The following PDE1C variants were observed in gnomAD, a reference collection of about 807,000 sequenced individuals.
PDE1C encodes the protein dual specificity calcium/calmodulin-dependent 3',5'-cyclic nucleotide phosphodiesterase 1C.
In PDE1C, 62 loss-of-function variants were observed where a neutral mutation model predicts 93.1. That is an observed-to-expected ratio of 0.67 (90% confidence interval 0.54 to 0.82). The LOEUF (loss-of-function observed/expected upper bound fraction) is 0.82. Among genes scored for constraint, PDE1C ranks in the 40% least tolerant of loss-of-function variants. The pLI, the probability that PDE1C is intolerant of heterozygous loss-of-function variation, is 0.00. For synonymous variants in PDE1C, 325 were observed against 310.1 expected (o/e 1.05, Z -0.50); for missense variants, 742 against 884.6 (o/e 0.84, Z 2.04).
At chr7:31,926,050 A>G (rs1803333118) in intron 2 of PDE1C, among the ~76,000 whole-genome samples, 1 of 152,070 alleles carries the variant, frequency 6.6e-6, no homozygotes, top group African/African-American at 2.4e-5. Flanking sequence ...GTGATCATAC[A>G]TTACAGTTTG....
At position 32,198,402 on chromosome 7, in the gene PDE1C, C is replaced by T. The variant is rs114311233; in HGVS notation, c.136+11087G>A. Among the ~76,000 whole-genome samples the T allele has an allele frequency of 4.0e-3, 611 of 152,130 alleles. 3 individuals carry two copies. The highest frequency in any genetic ancestry group is 0.014 in the African/African-American group (568 of 41,492). On this transcript the variant is annotated intron_variant, in intron 2 of 18. Coordinates refer to the PDE1C transcript ENST00000396193. ...TCTGAATAACAGAAACTCAAAATTCCGGTAGATTAAATGAAATAAAAGCTT... is the reference window on the plus strand; with the variant it reads ...TCTGAATAACAGAAACTCAAAATTCTGGTAGATTAAATGAAATAAAAGCTT...
At chr7:32,327,546 A>G (rs1341169085) in intron 1 of PDE1C, among the ~76,000 whole-genome samples, 5 of 152,176 alleles carry the variant, frequency 3.3e-5, no homozygotes, top group Admixed American at 1.3e-4. Context: ...AAGTGGGTGG[A>G]TCACGAGATC....
intron 2 of PDE1C, among the ~76,000 whole-genome samples, chr7:31,972,960 T>G (rs1037844643): frequency 6.6e-6 from 1 of 152,146 alleles, no homozygotes; most frequent in African/African-American, 2.4e-5. Flanking sequence ...AAGCAGGAAC[T>G]GAGTGACAAC....
chr7:32,001,546 G>C (rs1258210522), intron 2 of PDE1C, among the ~76,000 whole-genome samples: 2 of 152,056 alleles, frequency 1.3e-5, no homozygotes, highest in East Asian at 1.9e-4. Flanking sequence ...GTACACACCA[G>C]CTCCCATAAA....
Position 32,076,622 on chromosome 7 carries a change from G to A in PDE1C, c.308+93163C>T, listed in dbSNP as rs556097054. On this transcript the variant is annotated intron_variant, in intron 3 of 18. Coordinates refer to the PDE1C transcript ENST00000396193. ...CACACCACTGCACTCCAGCCTGGGC[G>A]ACAGAGTGAGACTCCATCTCAAAAA... 1.6e-4 allele frequency among the ~76,000 whole-genome samples: 21 copies of A among 132,886 alleles called. 1 individual carries two copies. The highest frequency in any genetic ancestry group is 5.2e-3 in the Middle Eastern group (1 of 194). The allele number at this position is 132,886 out of a possible 152,430, so 87.2% of individuals were successfully genotyped here. A position where few individuals can be genotyped will look rare whatever the true frequency, so the allele number is the denominator to read the frequency against.
intron 1 of PDE1C, among the ~76,000 whole-genome samples, chr7:32,403,200 A>G (rs74589277): frequency 1.8e-4 from 1 of 5,418 alleles, no homozygotes; most frequent in East Asian, 0.5. Context: ...CTAACAGGGC[A>G]ACTAAATTAA....
intron 1 of PDE1C, among the ~76,000 whole-genome samples, chr7:32,414,539 A>C (rs7777151): frequency 6.6e-6 from 1 of 152,200 alleles, no homozygotes; most frequent in African/African-American, 2.4e-5. Flanking sequence ...TTTTGCAACA[A>C]GCATGCTTTT....
chr7:32,176,169 T>C (rs1408418355), intron 2 of PDE1C, among the ~76,000 whole-genome samples: 1 of 152,218 alleles, frequency 6.6e-6, no homozygotes, highest in Non-Finnish European at 1.5e-5. Context: ...GTAGTTAGCC[T>C]AACTACATCT....
intron 1 of PDE1C, among the ~76,000 whole-genome samples, chr7:32,063,374 T>TTC (rs951057205): frequency 7.2e-5 from 11 of 152,178 alleles, no homozygotes; most frequent in African/African-American, 2.7e-4. Flanking sequence ...TGTGGGGAAA[T>TTC]GGAAACCAAG....
chr7:31,697,852 T>A, the PDE1C span, among the ~76,000 whole-genome samples: 2 of 152,252 alleles, frequency 1.3e-5, no homozygotes, highest in East Asian at 1.9e-4. Context: ...ATAGAGAGGC[T>A]ATTATCTCGT....
the PDE1C span, chr7:31,696,936 T>C: frequency 1.2e-6 from 2 of 1,609,606 alleles, no homozygotes; most frequent in Non-Finnish European, 1.7e-6. Context: ...TTTGATCCTG[T>C]TTCTCTCTGT....
the PDE1C span, chr7:31,643,921 C>T: frequency 1.9e-5 from 31 of 1,613,316 alleles, no homozygotes; most frequent in Admixed American, 1.7e-4. Context: ...TTTGAAAGCC[C>T]TTCAGGACAC....
chr7:32,117,444 A>T (rs1487822759), intron 3 of PDE1C, among the ~76,000 whole-genome samples: 1 of 152,228 alleles, frequency 6.6e-6, no homozygotes, highest in Non-Finnish European at 1.5e-5. Flanking sequence ...TGAGCCCCCT[A>T]GCAGTTTATA....
At chr7:32,112,687 T>C (rs886967352) in intron 3 of PDE1C, among the ~76,000 whole-genome samples, 4 of 151,376 alleles carry the variant, frequency 2.6e-5, no homozygotes, top group Non-Finnish European at 5.9e-5. Flanking sequence ...AATCCTGGCC[T>C]GAAGCAATTC....
At chr7:31,981,716 T>C (rs1812398578) in intron 2 of PDE1C, among the ~76,000 whole-genome samples, 3 of 152,214 alleles carry the variant, frequency 2.0e-5, no homozygotes, top group African/African-American at 7.2e-5. Context: ...TTGACACTTA[T>C]ATAACACTAC....
chr7:31,642,324 G>T, the PDE1C span: 1 of 1,093,550 alleles, frequency 9.1e-7, no homozygotes, highest in East Asian at 2.6e-5. Flanking sequence ...CTATCAACCA[G>T]GCTGCCACCC....
chr7:32,355,727 A>T (rs1347306871), intron 1 of PDE1C, among the ~76,000 whole-genome samples: 1 of 152,190 alleles, frequency 6.6e-6, no homozygotes, highest in African/African-American at 2.4e-5. Context: ...AGGGACAGGG[A>T]CTATGACTTA....
chr7:32,220,588 G>A (rs1218672956), intron 1 of PDE1C, among the ~76,000 whole-genome samples: 1 of 152,042 alleles, frequency 6.6e-6, no homozygotes, highest in Non-Finnish European at 1.5e-5. Flanking sequence ...GGCCGAGGCG[G>A]GCGGATCACG....
chr7:32,299,339 G>A (rs1010701499), upstream of PDE1C: 6 of 985,608 alleles, frequency 6.1e-6, no homozygotes, highest in South Asian at 2.8e-4. Flanking sequence ...CGGGAAAATC[G>A]CCACGCCCAC....
Sources: gnomAD v4.1 joint callset for allele counts (sites outside exome capture counted in the v4.1 genomes callset) on GRCh38, gnomAD v4.1.1 for gene constraint, MANE v1.5 for transcripts, NCBI Gene and HGNC (gene_info 2026-07-23, HGNC 2026-07-21) for gene names.